The following CBARP variants were observed in gnomAD, a reference collection of about 807,000 sequenced individuals.
CBARP encodes voltage-dependent calcium channel beta subunit-associated regulatory protein.
CBARP carries 24 observed loss-of-function variants against 36.3 expected under a neutral mutation model. The ratio of observed to expected loss-of-function variants is 0.66; its 90% CI spans 0.48 to 0.93. The LOEUF is 0.93. Among genes scored for constraint, CBARP ranks in the 40% least tolerant of loss-of-function variants. The pLI is 0.00. For synonymous variants in CBARP, 586 were observed against 453.2 expected (o/e 1.29, Z -3.72); for missense variants, 1,146 against 980.4 (o/e 1.17, Z -2.26).
In CBARP at chr19:1,236,169, C is replaced by T. The variant is rs1267673771; in HGVS notation, c.-21-48G>A. 4 of 1,369,700 alleles carry T rather than the reference C, an allele frequency of 2.9e-6. No homozygotes were observed. In the East Asian group the frequency reaches 8.9e-5, roughly 31 times the overall value. 84.8% of individuals were successfully genotyped at this position (1,369,700 alleles called of 1,614,324 possible). On this transcript the variant is annotated intron_variant, in intron 1 of 9. Coordinates refer to ENST00000650044, the MANE Select transcript of CBARP (RefSeq NM_001393918.1). ...GCTCCAGCTAGACCTACTTCTCCTG[C>T]AGGAGCCACTGCAGACAAGCTGGGT...
At position 1,236,023 on chromosome 19, in the gene CBARP, C is replaced by T. The variant is rs1177955369; in HGVS notation, c.78G>A (p.Ser26=). The change falls in exon 2 of 10, where the codon TCG becomes TCA. Residue 26 remains serine (S), a synonymous_variant. Transcript: ENST00000650044. ...TGGGGCGTCCAGTGGCATTGTCCCA[C>T]GACGTCGTCAGGGCTACTGTGGCAG... ...TTTATVALTT[S]WDNATGRPTA... 2.5e-5 allele frequency: 38 copies of T among 1,543,694 alleles called. No homozygotes were observed. The Admixed American group carries it at 2.9e-4, about 12-fold the overall frequency.
Position 1,234,752 on chromosome 19 carries a change from C to T in CBARP, c.456-10G>A. ...CTCCGTCAGTGTGTACCTGCGACAG[C>T]ATCTGGCCATCAGAGCCCGCCCACC... is the stretch of plus-strand genomic sequence containing the variant. On this transcript the variant is annotated splice_polypyrimidine_tract_variant and intron_variant, in intron 5 of 9. Coordinates refer to ENST00000650044, the MANE Select transcript of CBARP (RefSeq NM_001393918.1). 6.2e-7 allele frequency: 1 copy of T among 1,610,738 alleles called. No homozygotes were observed.
At position 1,233,528 on chromosome 19, in the gene CBARP, G is replaced by C. The variant is rs371688667; in HGVS notation, c.877C>G (p.Arg293Gly). The change falls in exon 8 of 10, where the codon CGC (arginine) becomes GGC (glycine). Residue 293 changes from arginine (R) to glycine (G), a missense_variant. Arg to Gly is a moderately radical substitution (Grantham distance 125, BLOSUM62 -2). Transcript: ENST00000650044. ...GAGTVLQFLTRLRRHASLDGA... is the reference protein window; with the variant it reads ...GAGTVLQFLTGLRRHASLDGA... ...TCCAGGCTGGCATGGCGGCGCAGGC[G>C]GGTGAGGAACTGCAGAACGGTACCT... 2 of 1,604,384 alleles carry C rather than the reference G, an allele frequency of 1.2e-6. No individual in the cohort carries two copies.
chr19:1,230,481 T>C (rs2080875664), intron 9 of CBARP: 5 of 1,002,100 alleles, frequency 5.0e-6, no homozygotes, highest in Non-Finnish European at 5.9e-6. Flanking sequence ...CCGCAGGGGA[T>C]GGACTGGACG....
At position 1,236,082 on chromosome 19, in the gene CBARP, T is replaced by C. The variant is rs906048695; in HGVS notation, c.19A>G (p.Met7Val). Reference sequence around the variant, plus strand: ...GTGGTGGTGGTGGCGGCTGTGGCCATGGTGGCTGTGGGCTGCATTCTGAAC... The same window carrying C: ...GTGGTGGTGGTGGCGGCTGTGGCCACGGTGGCTGTGGGCTGCATTCTGAAC... MQPTAT[M>V]ATAATTTTTT... The change falls in exon 2 of 10, where the codon ATG becomes GTG. Residue 7 changes from methionine to valine, a missense_variant. Transcript: ENST00000650044. 9 of 1,489,824 alleles carry C rather than the reference T, an allele frequency of 6.0e-6. No homozygotes were observed. Among genetic ancestry groups the C allele is most frequent in the South Asian group, 4.1e-5 (3 of 73,664 alleles). 92.3% of individuals were successfully genotyped at this position (1,489,824 alleles called of 1,614,324 possible). A position where few individuals can be genotyped will look rare whatever the true frequency, so the allele number is the denominator to read the frequency against.
At chr19:1,237,731 G>C (rs2080995128) in intron 1 of CBARP, 25 bp downstream of exon 1, 2 of 150,346 alleles carry the variant, frequency 1.3e-5, no homozygotes. Flanking sequence ...TCCGCCCCCC[G>C]CAGCCCCGAG....
At chr19:1,237,143 G>A (rs1195729641) in intron 1 of CBARP, among the ~76,000 whole-genome samples, 1 of 152,216 alleles carries the variant, frequency 6.6e-6, no homozygotes, top group African/African-American at 2.4e-5. Context: ...GCGCACAGGC[G>A]GCAGCCGCTC....
chr19:1,237,329 G>A (rs904115677), intron 1 of CBARP, among the ~76,000 whole-genome samples: 1 of 152,208 alleles, frequency 6.6e-6, no homozygotes, highest in Non-Finnish European at 1.5e-5. Context: ...GCTGGAGGGG[G>A]TGGGGACAGG....
rs774365212 is a variant in CBARP at position 1,230,019 on chromosome 19, G to A, written c.1278C>T (p.Gly426=). ...GGTAGCTGGTCTGGGCCTGCTCGGG[G>A]CCCGCGTCCCGCTCGGCGTCCGGCT... ...PLEPDAERDA[G]PEQAQTSYRD... is the part of the protein sequence containing the mutation. The change falls in exon 10 of 10, where the codon GGC becomes GGT. Residue 426 remains glycine, a synonymous_variant. Coordinates refer to ENST00000650044, the MANE Select transcript of CBARP (RefSeq NM_001393918.1). 2.7e-5 allele frequency: 33 copies of A among 1,231,636 alleles called. No homozygotes were observed. The South Asian group carries it at 3.5e-4, about 13-fold the overall frequency. 76.3% of individuals were successfully genotyped at this position (1,231,636 alleles called of 1,614,324 possible). A position where few individuals can be genotyped will look rare whatever the true frequency, so the allele number is the denominator to read the frequency against.
In CBARP at chr19:1,231,176, A is replaced by G. The variant is rs915150202; in HGVS notation, c.1079T>C (p.Ile360Thr). 5.6e-6 allele frequency: 9 copies of G among 1,602,064 alleles called. No homozygotes were observed. Among genetic ancestry groups the G allele is most frequent in the Admixed American group, 1.7e-5 (1 of 59,770 alleles). Reference protein sequence around the residue: ...DAPQEDFIQYIARAGDAVAFP... With the variant: ...DAPQEDFIQYTARAGDAVAFP... ...GGCCACGGCGTCGCCCGCCCGGGCAATGTACTGGATGAAGTCCTCCTGGGG... is the reference window on the plus strand; with the variant it reads ...GGCCACGGCGTCGCCCGCCCGGGCAGTGTACTGGATGAAGTCCTCCTGGGG... The change falls in exon 9 of 10, where the codon ATT becomes ACT. Residue 360 changes from isoleucine to threonine, a missense_variant. Physicochemically the swap from Ile to Thr is moderately conservative, Grantham distance 89. Coordinates refer to ENST00000650044, the MANE Select transcript of CBARP (RefSeq NM_001393918.1).
At chr19:1,231,913 CAA>C (rs2080899630) in intron 8 of CBARP, among the ~76,000 whole-genome samples, 3 of 152,056 alleles carry the variant, frequency 2.0e-5, no homozygotes, top group African/African-American at 7.2e-5. Flanking sequence ...CAGCCCTGGT[CAA>C]CATGTGGCCA....
In CBARP at chr19:1,235,528, G is replaced by A. The variant is rs779550887; in HGVS notation, c.283C>T (p.Leu95=). The A allele has an allele frequency of 6.2e-7, 1 of 1,605,778 alleles. No individual in the cohort carries two copies. The change falls in exon 4 of 10, where the codon CTG becomes TTG. Residue 95 remains leucine (L), a synonymous_variant. Transcript: ENST00000650044. ...EEAEKTTTTY[L]DNGTHPAQDP... ...TGGGCTGGGTGGGTGCCGTTGTCCA[G>A]GTAGGTGGTGGTGGTCTTCTCCGCT...
intron 1 of CBARP, 27 bp from the exon 2 acceptor site, chr19:1,236,148 C>T (rs1385223565): frequency 4.3e-6 from 6 of 1,389,482 alleles, no homozygotes; most frequent in Admixed American, 3.4e-5. Flanking sequence ...TGGTCAGCTC[C>T]AGCTAGACCT....
Position 1,229,502 on chromosome 19 carries a change from C to T in CBARP, c.1795G>A (p.Ala599Thr). The part of the protein sequence containing the change: ...DPGARAAPAL[A>T]GTPAPPAGAA... ...CCGGCAGGCGGTGCCGGGGTTCCGG[C>T]CAGGGCCGGGGCCGCGCGGGCGCCG... The change falls in exon 10 of 10, where the codon GCC becomes ACC. Residue 599 changes from alanine to threonine, a missense_variant. By Grantham distance (58) the Ala-to-Thr change is moderately conservative (BLOSUM62 0). Transcript: ENST00000650044. This position sits in a 1 kb window ranked among gnomAD's most constrained non-coding sequence, Gnocchi z 5.1. 2.0e-6 allele frequency: 2 copies of T among 979,068 alleles called. No individual in the cohort carries two copies. Among genetic ancestry groups the T allele is most frequent in the East Asian group, 1.2e-4 (1 of 8,640 alleles). The allele number at this position is 979,068 out of a possible 1,614,324, so 60.6% of individuals were successfully genotyped here. A position where few individuals can be genotyped will look rare whatever the true frequency, so the allele number is the denominator to read the frequency against.
Position 1,229,600 on chromosome 19 carries a change from G to A in CBARP, c.1697C>T (p.Ala566Val). ...GTGCGCGCGGGCGCGGTGTCGCGCGGCAGCCGGCGTGTCGTCGAAGTGCGG... is the reference window on the plus strand; with the variant it reads ...GTGCGCGCGGGCGCGGTGTCGCGCGACAGCCGGCGTGTCGTCGAAGTGCGG... ...HDPHFDDTPAAARHRARAHPH... is the reference protein window; with the variant it reads ...HDPHFDDTPAVARHRARAHPH... Residue 566 changes from alanine (A) to valine (V), a missense_variant, in exon 10 of 10, where the codon GCC (alanine) becomes GTC (valine). Coordinates refer to ENST00000650044, the MANE Select transcript of CBARP (RefSeq NM_001393918.1). The surrounding 1 kb of genome is among the most constrained non-coding windows in gnomAD (Gnocchi z 5.1). 3 of 1,195,286 alleles carry A rather than the reference G, an allele frequency of 2.5e-6. No homozygotes were observed. Among genetic ancestry groups the A allele is most frequent in the Non-Finnish European group, 3.2e-6 (3 of 945,332 alleles). The allele number at this position is 1,195,286 out of a possible 1,614,324, so 74.0% of individuals were successfully genotyped here. A position where few individuals can be genotyped will look rare whatever the true frequency, so the allele number is the denominator to read the frequency against.
Position 1,229,573 on chromosome 19 carries a change from G to C in CBARP, c.1724C>G (p.Pro575Arg). 2 of 1,119,848 alleles carry C rather than the reference G, an allele frequency of 1.8e-6. No individual in the cohort carries two copies. Among genetic ancestry groups the C allele is most frequent in the African/African-American group, 1.7e-5 (1 of 58,028 alleles). 69.4% of individuals were successfully genotyped at this position (1,119,848 alleles called of 1,614,324 possible). A position where few individuals can be genotyped will look rare whatever the true frequency, so the allele number is the denominator to read the frequency against. The change falls in exon 10 of 10, where the codon CCG (proline) becomes CGG (arginine). Residue 575 changes from proline to arginine, a missense_variant. Coordinates refer to ENST00000650044, the MANE Select transcript of CBARP (RefSeq NM_001393918.1). This position sits in a 1 kb window ranked among gnomAD's most constrained non-coding sequence, Gnocchi z 5.1. ...ACGCTGCCACTGTTTGCGGGCGTGCGGGTGCGCGCGGGCGCGGTGTCGCGC... is the reference window on the plus strand; with the variant it reads ...ACGCTGCCACTGTTTGCGGGCGTGCCGGTGCGCGCGGGCGCGGTGTCGCGC... ...AAARHRARAH[P>R]HARKQWQRGR...
chr19:1,235,446 T>A, intron 4 of CBARP, 55 bp downstream of exon 4: 1 of 1,499,562 alleles, frequency 6.7e-7, no homozygotes, highest in Non-Finnish European at 8.9e-7. Context: ...GGGCGGCGGG[T>A]GGCCGAGGGG....
At chr19:1,230,565 A>C in intron 9 of CBARP, 1 of 1,107,380 alleles carries the variant, frequency 9.0e-7, no homozygotes, top group Non-Finnish European at 1.1e-6. Context: ...CAGCAGGAGG[A>C]CAGTGCACAG....
In CBARP at chr19:1,234,843, C is replaced by A. The variant is rs753346311; in HGVS notation, c.456-101G>T. ...CCCTGCCGGCCTGGGCAGGGGCAGG[C>A]GAAAGGGGGGCAACTGGCCAAGGCC... On this transcript the variant is annotated intron_variant, in intron 5 of 9. Transcript: ENST00000650044. The A allele has an allele frequency of 7.2e-6, 11 of 1,517,694 alleles. No individual in the cohort carries two copies. In the South Asian group the frequency reaches 1.3e-4, roughly 17 times the overall value. The allele number at this position is 1,517,694 out of a possible 1,614,324, so 94.0% of individuals were successfully genotyped here.
Sources: allele counts gnomAD v4.1 joint callset (sites outside exome capture counted in the v4.1 genomes callset), GRCh38; gene constraint gnomAD v4.1.1; non-coding constraint Gnocchi (gnomAD v3.1); transcripts MANE v1.5; gene names NCBI Gene and HGNC (gene_info 2026-07-23, HGNC 2026-07-21).